Variants in OPHN1 observed in about 807,000 individuals in gnomAD.
OPHN1 encodes the protein oligophrenin 1, also known as oligophrenin-1.
A neutral mutation model predicts 60.7 loss-of-function variants in OPHN1; 11 were observed. The ratio of observed to expected loss-of-function variants is 0.18; its 90% confidence interval spans 0.11 to 0.30. The LOEUF is 0.30. Among genes scored for constraint, OPHN1 ranks in the 10% least tolerant of loss-of-function variants. The probability of loss-of-function intolerance (pLI) is 1.00; values close to 1 mark genes in which losing one functional copy is unlikely to be tolerated. For missense variants in OPHN1, 449 were observed against 611.0 expected (o/e 0.73, Z 2.80); for synonymous variants, 226 against 222.6 (o/e 1.02, Z -0.14).
chrX:68,269,439 A>C (rs1410589137), intron 5 of OPHN1, among the ~76,000 whole-genome samples: 1 of 111,514 alleles, frequency 9.0e-6, no homozygotes, highest in Non-Finnish European at 1.9e-5. Flanking sequence ...TGCCACATAT[A>C]TACAACCATA....
At chrX:68,062,126 A>G (rs1012530534) in intron 21 of OPHN1, among the ~76,000 whole-genome samples, 4 of 111,942 alleles carry the variant, frequency 3.6e-5, no homozygotes, top group Non-Finnish European at 7.5e-5. Context: ...TTCATGGCAA[A>G]TATTTTGTAT....
chrX:68,324,200 GAA>G (rs2078248085), intron 2 of OPHN1, among the ~76,000 whole-genome samples: 1 of 111,643 alleles, frequency 9.0e-6, no homozygotes, highest in Non-Finnish European at 1.9e-5. Context: ...TTACCAGTAA[GAA>G]AATACAAACA....
intron 6 of OPHN1, among the ~76,000 whole-genome samples, chrX:68,217,267 C>G (rs775831560): frequency 8.9e-6 from 1 of 112,265 alleles, no homozygotes; most frequent in Non-Finnish European, 1.9e-5. Flanking sequence ...GCACCTGGCT[C>G]GGAGGATCCT....
intron 6 of OPHN1, among the ~76,000 whole-genome samples, chrX:68,231,034 G>A (rs1017525027): frequency 5.4e-5 from 6 of 111,380 alleles, no homozygotes; most frequent in East Asian, 2.8e-4. Flanking sequence ...AAATAAGTAA[G>A]AGAGTAAATA....
At chrX:68,240,287 A>G (rs1440911486) in intron 5 of OPHN1, among the ~76,000 whole-genome samples, 1 of 112,123 alleles carries the variant, frequency 8.9e-6, no homozygotes, top group Non-Finnish European at 1.9e-5. Context: ...TTTTCCTGCA[A>G]TTCTAATTTG....
intron 15 of OPHN1, among the ~76,000 whole-genome samples, chrX:68,147,335 C>T (rs949075473): frequency 8.9e-6 from 1 of 111,979 alleles, no homozygotes; most frequent in African/African-American, 3.2e-5. Context: ...CATATAAAAG[C>T]AGTTCCCAGT....
chrX:68,148,353 T>C, intron 15 of OPHN1, among the ~76,000 whole-genome samples: 1 of 111,167 alleles, frequency 9.0e-6, no homozygotes, highest in Non-Finnish European at 1.9e-5. Context: ...GAATGCTCTT[T>C]ATGAAATTGG....
At chrX:68,128,064 T>C (rs1270573678) in intron 15 of OPHN1, among the ~76,000 whole-genome samples, 1 of 110,668 alleles carries the variant, frequency 9.0e-6, no homozygotes, top group Non-Finnish European at 1.9e-5. Flanking sequence ...TTTTTTTTTT[T>C]TTCCAGAAAG....
chrX:68,056,319 T>C (rs2076872911), intron 21 of OPHN1, among the ~76,000 whole-genome samples: 1 of 111,469 alleles, frequency 9.0e-6, no homozygotes, highest in Non-Finnish European at 1.9e-5. Flanking sequence ...CCCTAGTAGG[T>C]ATATGTAATT....
intron 2 of OPHN1, among the ~76,000 whole-genome samples, chrX:68,376,272 T>A (rs1028251421): frequency 3.6e-5 from 4 of 111,549 alleles, no homozygotes; most frequent in African/African-American, 1.3e-4. Context: ...TTCAATGCAA[T>A]CACTTGGACA....
At chrX:68,205,887 G>A (rs2147472982) in intron 10 of OPHN1, among the ~76,000 whole-genome samples, 1 of 110,854 alleles carries the variant, frequency 9.0e-6, no homozygotes, top group South Asian at 3.9e-4. Context: ...GAGGCACATT[G>A]AACTACTTTT....
intron 5 of OPHN1, among the ~76,000 whole-genome samples, chrX:68,248,265 C>T (rs1357701137): frequency 9.5e-6 from 1 of 105,421 alleles, no homozygotes; most frequent in African/African-American, 3.6e-5. Flanking sequence ...GAAAACTGGA[C>T]CAAAAATGGG....
intron 21 of OPHN1, 74 bp downstream of exon 21, chrX:68,063,780 C>A: frequency 1.1e-6 from 1 of 900,648 alleles, no homozygotes; most frequent in Non-Finnish European, 1.5e-6. Flanking sequence ...AATATATCTC[C>A]AAACTCAGAA....
chrX:68,402,901 C>T (rs905064605), intron 2 of OPHN1, among the ~76,000 whole-genome samples: 15 of 111,676 alleles, frequency 1.3e-4, no homozygotes, highest in African/African-American at 4.9e-4. Context: ...GGCACATACT[C>T]ACACGTTAAA....
intron 2 of OPHN1, among the ~76,000 whole-genome samples, chrX:68,337,400 C>G (rs1204386477): frequency 1.8e-5 from 2 of 111,778 alleles, no homozygotes; most frequent in East Asian, 5.6e-4. Flanking sequence ...AGGAATATAG[C>G]AACGAAAAAG....
In OPHN1 at chrX:68,321,843, G is replaced by A. The variant is rs555862351; in HGVS notation, c.155-22747C>T. 1.5e-4 allele frequency among the ~76,000 whole-genome samples: 17 copies of A among 110,430 alleles called. No individual in the cohort carries two copies. The South Asian group carries it at 6.7e-3, about 44-fold the overall frequency. ...CTCAGGAGGTTGAGGCAGGTGAATCGCTTGAACCTGGGAGGTGGAGGTTGC... is the reference window on the plus strand; with the variant it reads ...CTCAGGAGGTTGAGGCAGGTGAATCACTTGAACCTGGGAGGTGGAGGTTGC... On this transcript the variant is annotated intron_variant, in intron 2 of 24. Transcript: ENST00000355520.
At chrX:68,233,271 T>C (rs752983203) in intron 6 of OPHN1, among the ~76,000 whole-genome samples, 5 of 111,830 alleles carry the variant, frequency 4.5e-5, no homozygotes, top group Admixed American at 9.5e-5. Context: ...CCTCAGATGA[T>C]GTGATGGATA....
intron 6 of OPHN1, among the ~76,000 whole-genome samples, chrX:68,227,744 A>G (rs2077703185): frequency 9.0e-6 from 1 of 111,537 alleles, no homozygotes; most frequent in Non-Finnish European, 1.9e-5. Flanking sequence ...TCTCTGGGAC[A>G]CAGTTAGAGC....
At chrX:68,217,719 C>G (rs2077621595) in intron 6 of OPHN1, among the ~76,000 whole-genome samples, 1 of 110,224 alleles carries the variant, frequency 9.1e-6, no homozygotes, top group Admixed American at 9.7e-5. Context: ...GCTGAGGGTC[C>G]TCTCTGTTAG....
Sources: allele counts gnomAD v4.1 joint callset (sites outside exome capture counted in the v4.1 genomes callset), GRCh38; gene constraint gnomAD v4.1.1; transcripts MANE v1.5; gene names NCBI Gene and HGNC (gene_info 2026-07-23, HGNC 2026-07-21).